The following VPS9D1 variants were observed in gnomAD, a reference collection of about 807,000 sequenced individuals.
VPS9D1 encodes VPS9 domain-containing protein 1.
Under a neutral mutation model 75.8 loss-of-function variants are expected in VPS9D1, and 78 were observed. The observed-to-expected ratio is 1.03, with a 90% CI of 0.86 to 1.24. The LOEUF (loss-of-function observed/expected upper bound fraction) is 1.24. VPS9D1 is among the 50% of genes most tolerant of loss of function. The pLI, the probability that VPS9D1 is intolerant of heterozygous loss-of-function variation, is 0.00. For synonymous variants in VPS9D1, 481 were observed against 385.6 expected (o/e 1.25, Z -2.90); for missense variants, 1,057 against 847.7 (o/e 1.25, Z -3.07).
intron 1 of VPS9D1, 65 bp downstream of exon 1, chr16:89,720,697 TC>T: frequency 3.0e-6 from 4 of 1,318,304 alleles, no homozygotes; most frequent in South Asian, 2.0e-5. Flanking sequence ...GTCCTCGCCC[TC>T]CCCGGGCGGG....
chr16:89,709,725 C>G, intron 11 of VPS9D1, 52 bp downstream of exon 11: 3 of 1,611,226 alleles, frequency 1.9e-6, no homozygotes, highest in Non-Finnish European at 2.5e-6. Context: ...TCCTGGGGGA[C>G]TGGGCTGGAA....
Position 89,708,455 on chromosome 16 carries a change from C to T in VPS9D1, c.1774G>A (p.Ala592Thr), listed in dbSNP as rs372082040. ...SGLPQLVSECAALEEFIHEGY... is the reference protein window; with the variant it reads ...SGLPQLVSECTALEEFIHEGY... ...TCGTGGATGAACTCCTCCAGGGCCG[C>T]GCACTCCGACACCAGCTGAGGGAGG... The change falls in exon 14 of 15, where the codon GCG (alanine) becomes ACG (threonine). Residue 592 changes from alanine (A) to threonine (T), a missense_variant. Physicochemically the swap from Ala to Thr is moderately conservative, Grantham distance 58. Transcript: ENST00000389386. The T allele has an allele frequency of 1.1e-4, 170 of 1,612,654 alleles. No individual in the cohort carries two copies. The highest frequency in any genetic ancestry group is 1.3e-4 in the Non-Finnish European group (158 of 1,179,840).
chr16:89,716,522 GGA>G lies in VPS9D1; in HGVS notation c.369_370del (p.Pro124PhefsTer19). On this transcript the variant is annotated frameshift_variant, in exon 4 of 15. Coordinates refer to ENST00000389386, the MANE Select transcript of VPS9D1 (RefSeq NM_004913.3). LOFTEE classifies it high-confidence loss of function. ...CTGGAAGATCTCGGGTGGCAGAAAA[GGA>G]GAGAGCTTTCCTCCTTCATCGGAGT... is the stretch of plus-strand genomic sequence containing the variant. 6.2e-7 allele frequency: 1 copy of G among 1,613,996 alleles called. No homozygotes were observed. The highest frequency in any genetic ancestry group is 8.5e-7 in the Non-Finnish European group (1 of 1,179,970).
intron 2 of VPS9D1, chr16:89,718,117 G>A (rs2061132983): frequency 2.7e-5 from 12 of 450,946 alleles, no homozygotes; most frequent in South Asian, 1.6e-4. Flanking sequence ...GATCCTTTGT[G>A]CAGCGGCTGC....
intron 13 of VPS9D1, 143 bp from the exon 14 acceptor site, chr16:89,708,674 G>GAAGGCAGC: frequency 8.9e-7 from 1 of 1,121,942 alleles, no homozygotes; most frequent in Non-Finnish European, 1.3e-6. Flanking sequence ...GCTGGGCATG[G>GAAGGCAGC]TGAGGCTGTC....
Position 89,712,077 on chromosome 16 carries a change from C to A in VPS9D1, c.629G>T (p.Arg210Leu). Residue 210 changes from arginine to leucine, a missense_variant, in exon 7 of 15, where the codon CGC becomes CTC. By Grantham distance (102) the Arg-to-Leu change is moderately radical (BLOSUM62 -2). Coordinates refer to ENST00000389386, the MANE Select transcript of VPS9D1 (RefSeq NM_004913.3). ...GGCGGCCTCCTGGAGCCGCAGCCGGCGCTCCTCCATCTTTCTCTGGAGCTG... is the reference window on the plus strand; with the variant it reads ...GGCGGCCTCCTGGAGCCGCAGCCGGAGCTCCTCCATCTTTCTCTGGAGCTG... ...EETLQRKMEE[R>L]RLRLQEAANR... 1.3e-6 allele frequency: 2 copies of A among 1,548,510 alleles called. No individual in the cohort carries two copies. Among genetic ancestry groups the A allele is most frequent in the Non-Finnish European group, 1.7e-6 (2 of 1,146,810 alleles).
rs1051448533 is a variant in VPS9D1, at chr16:89,715,255, C to A, written c.431+1207G>T. The stretch of plus-strand genomic sequence containing the variant: ...TTTTTTTTTTTTTTTGAGATGGAGT[C>A]TTGCTCTGTCGCCCAGGCTGGAATG... On this transcript the variant is annotated intron_variant, in intron 4 of 14. Coordinates refer to ENST00000389386, the MANE Select transcript of VPS9D1 (RefSeq NM_004913.3). Among the ~76,000 whole-genome samples, 35 of 129,802 alleles carry A rather than the reference C, an allele frequency of 2.7e-4. 1 individual carries two copies. The highest frequency in any genetic ancestry group is 4.7e-4 in the Non-Finnish European group (30 of 63,960). The allele number at this position is 129,802 out of a possible 152,430, so 85.2% of individuals were successfully genotyped here.
chr16:89,716,851 A>C (rs1460536635), intron 2 of VPS9D1, 29 bp from the exon 3 acceptor site: 1 of 1,564,682 alleles, frequency 6.4e-7, no homozygotes, highest in African/African-American at 1.4e-5. Context: ...GGCTGGTCAC[A>C]GTCGGCTCTA....
rs2060907112 is a variant in VPS9D1, at chr16:89,711,102, C to T, written c.834-92G>A. 9 of 1,306,584 alleles carry T rather than the reference C, an allele frequency of 6.9e-6. No homozygotes were observed. In the East Asian group the frequency reaches 2.3e-4, roughly 34 times the overall value. 80.9% of individuals were successfully genotyped at this position (1,306,584 alleles called of 1,614,324 possible). On this transcript the variant is annotated intron_variant, in intron 9 of 14. Transcript: ENST00000389386. ...GCTATGCCCGGTTTCAGAGAAGCGA[C>T]TTGCATTACCTCCTGACAGTGAATG...
chr16:89,718,708 CTTT>C (rs1390399545), intron 2 of VPS9D1, among the ~76,000 whole-genome samples: 1 of 149,796 alleles, frequency 6.7e-6, no homozygotes, highest in African/African-American at 2.4e-5. Flanking sequence ...ATGCCTTTTT[CTTT>C]TTCTTTTCTT....
chr16:89,710,570 G>C lies in VPS9D1; in HGVS notation c.1258+16C>G. On this transcript the variant is annotated intron_variant, in intron 10 of 14. Transcript: ENST00000389386. Reference sequence around the variant, plus strand: ...GAAGAGCTGCGGCGGCTCTCCCAGGGAGGGCCTGGCCTCACCTACGGCATT... The same window carrying C: ...GAAGAGCTGCGGCGGCTCTCCCAGGCAGGGCCTGGCCTCACCTACGGCATT... The C allele has an allele frequency of 6.3e-7, 1 of 1,575,858 alleles. No homozygotes were observed. The highest frequency in any genetic ancestry group is 8.7e-7 in the Non-Finnish European group (1 of 1,153,972).
Position 89,712,050 on chromosome 16 carries a change from T to C in VPS9D1, c.656A>G (p.Asn219Ser), listed in dbSNP as rs1051505145. The C allele has an allele frequency of 1.3e-6, 2 of 1,548,934 alleles. No individual in the cohort carries two copies. Among genetic ancestry groups the C allele is most frequent in the East Asian group, 2.4e-5 (1 of 40,910 alleles). ...ERRLRLQEAA[N>S]RRFCSQVALT... ...CAGGGGCGGGCAGGAGTCCCACCTGTTGGCGGCCTCCTGGAGCCGCAGCCG... is the reference window on the plus strand; with the variant it reads ...CAGGGGCGGGCAGGAGTCCCACCTGCTGGCGGCCTCCTGGAGCCGCAGCCG... Residue 219 changes from asparagine to serine, a missense_variant, in exon 7 of 15, where the codon AAC becomes AGC. Transcript: ENST00000389386.
At chr16:89,715,974 C>T (rs2061056717) in intron 4 of VPS9D1, among the ~76,000 whole-genome samples, 1 of 151,972 alleles carries the variant, frequency 6.6e-6, no homozygotes, top group African/African-American at 2.4e-5. Flanking sequence ...ACCAGGCCGC[C>T]TGCATTTGCT....
At chr16:89,720,621 C>G (rs1279126395) in intron 1 of VPS9D1, 142 bp downstream of exon 1, 7 of 1,228,594 alleles carry the variant, frequency 5.7e-6, no homozygotes, top group Middle Eastern at 6.4e-4. Context: ...CCCGTCCTCG[C>G]CCGGGAACCG....
At position 89,708,483 on chromosome 16, in the gene VPS9D1, GCTC is replaced by G. The variant is rs1297066059; in HGVS notation, c.1743_1745del (p.Arg581del). ...ACTCCGACACCAGCTGAGGGAGGCC[GCTC>G]CTCAGCACCACGAAGGACAGGATGG... On this transcript the variant is annotated inframe_deletion, in exon 14 of 15. Coordinates refer to ENST00000389386, the MANE Select transcript of VPS9D1 (RefSeq NM_004913.3). The G allele has an allele frequency of 6.2e-7, 1 of 1,613,092 alleles. No homozygotes were observed. Among genetic ancestry groups the G allele is most frequent in the South Asian group, 1.1e-5 (1 of 91,060 alleles).
At position 89,710,886 on chromosome 16, in the gene VPS9D1, G is replaced by A. The variant is rs1363111359; in HGVS notation, c.958C>T (p.Pro320Ser). ...GAGGGCCGCAGCCGTCGGCTTCCGG[G>A]GTTGGGGGTCGGGGGGCAGCAGCCT... ...APGCCPPTPNPGSRRLRPSQS... is the reference protein window; with the variant it reads ...APGCCPPTPNSGSRRLRPSQS... Residue 320 changes from proline to serine, a missense_variant, in exon 10 of 15, where the codon CCC (proline) becomes TCC (serine). Coordinates refer to ENST00000389386, the MANE Select transcript of VPS9D1 (RefSeq NM_004913.3). 4.0e-6 allele frequency: 6 copies of A among 1,502,066 alleles called. No individual in the cohort carries two copies. Among genetic ancestry groups the A allele is most frequent in the Non-Finnish European group, 5.3e-6 (6 of 1,129,850 alleles). 93.0% of individuals were successfully genotyped at this position (1,502,066 alleles called of 1,614,324 possible).
chr16:89,710,891 G>A lies in VPS9D1; in HGVS notation c.953C>T (p.Pro318Leu). The A allele has an allele frequency of 1.3e-6, 2 of 1,499,064 alleles. No individual in the cohort carries two copies. The highest frequency in any genetic ancestry group is 1.4e-5 in the African/African-American group (1 of 72,080). 92.9% of individuals were successfully genotyped at this position (1,499,064 alleles called of 1,614,324 possible). The stretch of plus-strand genomic sequence containing the variant: ...CCGCAGCCGTCGGCTTCCGGGGTTG[G>A]GGGTCGGGGGGCAGCAGCCTGGGGC... ...APAPGCCPPT[P>L]NPGSRRLRPS... The change falls in exon 10 of 15, where the codon CCC (proline) becomes CTC (leucine). Residue 318 changes from proline to leucine, a missense_variant. By Grantham distance (98) the Pro-to-Leu change is moderately conservative. Transcript: ENST00000389386.
chr16:89,715,684 A>C (rs1053364438), intron 4 of VPS9D1, among the ~76,000 whole-genome samples: 2 of 148,172 alleles, frequency 1.3e-5, no homozygotes, highest in African/African-American at 5.0e-5. Context: ...ACTATGCCTA[A>C]TTTTTTTTGA....
rs2060904761 is a variant in VPS9D1 at position 89,711,022 on chromosome 16, G to T, written c.834-12C>A. 1 of 1,436,432 alleles carries T rather than the reference G, an allele frequency of 7.0e-7. No homozygotes were observed. The allele number at this position is 1,436,432 out of a possible 1,614,324, so 89.0% of individuals were successfully genotyped here. ...GGTGGTCGGGGAGGCTGCGGGAGAA[G>T]AGGACGTGAGAACGCGGCCAGCCTC... On this transcript the variant is annotated splice_polypyrimidine_tract_variant and intron_variant, in intron 9 of 14. Transcript: ENST00000389386.
Sources: allele counts gnomAD v4.1 joint callset (sites outside exome capture counted in the v4.1 genomes callset), GRCh38; gene constraint gnomAD v4.1.1; transcripts MANE v1.5; gene names NCBI Gene and HGNC (gene_info 2026-07-23, HGNC 2026-07-21).